HDAC9: variants seen among roughly 807,000 people sequenced by gnomAD.
HDAC9 encodes MEF-2 interacting transcription repressor (MITR) protein.
Under a neutral mutation model 139.4 loss-of-function variants are expected in HDAC9, and 41 were observed. The ratio of observed to expected loss-of-function variants is 0.29; its 90% CI spans 0.23 to 0.38. HDAC9 has a LOEUF of 0.38. HDAC9 is among the 10% of genes least tolerant of loss of function. HDAC9 has a pLI of 1.00. For synonymous variants in HDAC9, 517 were observed against 476.2 expected (o/e 1.09, Z -1.12); for missense variants, 1,147 against 1,297.0 (o/e 0.88, Z 1.78).
intron 11 of HDAC9, among the ~76,000 whole-genome samples, chr7:18,656,242 T>C (rs1441489059): frequency 6.6e-6 from 1 of 152,118 alleles, no homozygotes; most frequent in East Asian, 1.9e-4. Context: ...ATATCTTAAA[T>C]GTACTGCTGC....
At chr7:18,931,605 C>A (rs976103990) in intron 22 of HDAC9, among the ~76,000 whole-genome samples, 1 of 152,006 alleles carries the variant, frequency 6.6e-6, no homozygotes, top group Non-Finnish European at 1.5e-5. Context: ...AGTGCTAGAC[C>A]AGAAGGGAAA....
chr7:18,230,446 CA>C (rs1276433842), intron 2 of HDAC9, among the ~76,000 whole-genome samples: 1 of 152,166 alleles, frequency 6.6e-6, no homozygotes, highest in Non-Finnish European at 1.5e-5. Context: ...CCGTATTCAC[CA>C]TGTAACCTGG....
Position 18,283,849 on chromosome 7 carries a change from A to G in HDAC9, c.25+121500A>G, listed in dbSNP as rs73068267. 3.5e-3 allele frequency among the ~76,000 whole-genome samples: 527 copies of G among 152,320 alleles called. 1 individual carries two copies. The highest frequency in any genetic ancestry group is 6.2e-3 in the Non-Finnish European group (419 of 68,014). Reference sequence around the variant, plus strand: ...GAATAAATGGCAGAATCAACCACCTAATACTTTGGATTTTTGGAAAGTATT... The same window carrying G: ...GAATAAATGGCAGAATCAACCACCTGATACTTTGGATTTTTGGAAAGTATT... On this transcript the variant is annotated intron_variant, in intron 2 of 12. Transcript: ENST00000417496.
intron 1 of HDAC9, among the ~76,000 whole-genome samples, chr7:18,456,147 A>G (rs1270259772): frequency 6.6e-6 from 1 of 152,216 alleles, no homozygotes; most frequent in Non-Finnish European, 1.5e-5. Context: ...GCTGAGCTAG[A>G]ACAAATTTTG....
rs563632000 is a variant in HDAC9, at chr7:18,304,360, A to G, written c.-42+13845A>G. The stretch of plus-strand genomic sequence containing the variant: ...AGAGCCAGGTTTTTAAAAAGCTCAG[A>G]CTACCAGACTTCAGAGCTCATACTC... On this transcript the variant is annotated intron_variant, in intron 1 of 3. Coordinates refer to the HDAC9 transcript ENST00000413509. 3.3e-5 allele frequency among the ~76,000 whole-genome samples: 5 copies of G among 152,336 alleles called. No homozygotes were observed. The East Asian group carries it at 9.6e-4, about 29-fold the overall frequency.
intron 22 of HDAC9, among the ~76,000 whole-genome samples, chr7:18,894,573 T>C (rs1800999638): frequency 6.6e-6 from 1 of 151,792 alleles, no homozygotes; most frequent in Non-Finnish European, 1.5e-5. Context: ...AGAGGAGAAA[T>C]TGGAGGAGAG....
intron 2 of HDAC9, among the ~76,000 whole-genome samples, chr7:18,199,869 G>A (rs977259040): frequency 4.0e-5 from 6 of 151,666 alleles, no homozygotes; most frequent in African/African-American, 1.2e-4. Flanking sequence ...ATTTGAGGCT[G>A]CAGTGAGCTA....
chr7:18,727,832 C>A, intron 13 of HDAC9, 75 bp downstream of exon 13: 2 of 1,138,528 alleles, frequency 1.8e-6, no homozygotes, highest in Non-Finnish European at 2.4e-6. Context: ...GATTTAAATG[C>A]TCTGAATAAC....
At chr7:18,572,063 T>C (rs1345074238) in intron 2 of HDAC9, among the ~76,000 whole-genome samples, 1 of 151,928 alleles carries the variant, frequency 6.6e-6, no homozygotes, top group African/African-American at 2.4e-5. Flanking sequence ...TTTGAAAAAG[T>C]TTATTTGCTG....
At chr7:18,196,455 G>C (rs1248883014) in intron 2 of HDAC9, among the ~76,000 whole-genome samples, 1 of 152,154 alleles carries the variant, frequency 6.6e-6, no homozygotes, top group African/African-American at 2.4e-5. Context: ...AATGTACAGT[G>C]CTTTCAGAGA....
At chr7:18,183,979 A>G (rs1258993183) in intron 2 of HDAC9, among the ~76,000 whole-genome samples, 1 of 152,252 alleles carries the variant, frequency 6.6e-6, no homozygotes, top group Non-Finnish European at 1.5e-5. Flanking sequence ...TTGCCTTTAA[A>G]ATATATAAAT....
intron 1 of HDAC9, among the ~76,000 whole-genome samples, chr7:18,485,395 G>A (rs1218993718): frequency 1.3e-5 from 2 of 151,274 alleles, no homozygotes; most frequent in African/African-American, 2.4e-5. Context: ...AGCCTACAGA[G>A]TGATATTCAT....
At chr7:18,633,640 A>C (rs1031046926) in intron 7 of HDAC9, among the ~76,000 whole-genome samples, 2 of 152,092 alleles carry the variant, frequency 1.3e-5, no homozygotes, top group African/African-American at 4.8e-5. Context: ...TCTGAAAAGC[A>C]TGAGGCAAGA....
chr7:18,716,454 T>C (rs541245108), intron 12 of HDAC9, among the ~76,000 whole-genome samples: 1 of 152,318 alleles, frequency 6.6e-6, no homozygotes, highest in Non-Finnish European at 1.5e-5. Context: ...TATTTTGTAC[T>C]GCAGAAAAAT....
intron 1 of HDAC9, among the ~76,000 whole-genome samples, chr7:18,445,428 T>A (rs932450504): frequency 5.3e-5 from 8 of 152,218 alleles, no homozygotes; most frequent in African/African-American, 1.9e-4. Context: ...ATAATAATTT[T>A]CTGCTCATTA....
At chr7:18,572,145 T>G (rs966625617) in intron 2 of HDAC9, among the ~76,000 whole-genome samples, 1 of 151,862 alleles carries the variant, frequency 6.6e-6, no homozygotes, top group African/African-American at 2.4e-5. Flanking sequence ...CAACTAATAT[T>G]TATTAAACTT....
At chr7:18,166,597 A>G (rs532816810) in intron 2 of HDAC9, among the ~76,000 whole-genome samples, 4 of 152,348 alleles carry the variant, frequency 2.6e-5, no homozygotes, top group Non-Finnish European at 2.9e-5. Flanking sequence ...GGGGGCAAGC[A>G]TTAATAAAAG....
At position 18,997,107 on chromosome 7, in the gene HDAC9, GTT is replaced by G. The variant is rs1786511961; in HGVS notation, c.*1047_*1048del. ...ATTACTTGAGGGCCTTGACTATTTA[GTT>G]TATTTTGTTTACTTTACAGGTTAAC... On this transcript the variant is annotated 3_prime_UTR_variant, in exon 26 of 26. Transcript: ENST00000686413. 1 of 151,892 alleles carries G rather than the reference GTT, an allele frequency of 6.6e-6. No homozygotes were observed. The highest frequency in any genetic ancestry group is 1.5e-5 in the Non-Finnish European group (1 of 67,986). 9.4% of individuals were successfully genotyped at this position (151,892 alleles called of 1,614,324 possible).
chr7:18,898,514 G>C (rs1232618953), intron 22 of HDAC9, among the ~76,000 whole-genome samples: 1 of 151,874 alleles, frequency 6.6e-6, no homozygotes, highest in Non-Finnish European at 1.5e-5. Context: ...ATTTCTGAAG[G>C]CGTTTCCTTT....
Sources: allele counts gnomAD v4.1 joint callset (sites outside exome capture counted in the v4.1 genomes callset), GRCh38; gene constraint gnomAD v4.1.1; transcripts MANE v1.5; gene names NCBI Gene and HGNC (gene_info 2026-07-23, HGNC 2026-07-21).